SYNE2: variants seen among roughly 807,000 people sequenced by gnomAD.
The protein encoded by SYNE2 is spectrin repeat containing nuclear envelope protein 2.
Under a neutral mutation model 856.3 loss-of-function variants are expected in SYNE2, and 431 were observed. That is an observed-to-expected ratio of 0.50 (90% CI 0.47 to 0.55). The LOEUF is 0.55. Among genes scored for constraint, SYNE2 ranks in the 20% least tolerant of loss-of-function variants. The pLI, the probability that SYNE2 is intolerant of heterozygous loss-of-function variation, is 0.00. For synonymous variants in SYNE2, 2,923 were observed against 2,872.3 expected (o/e 1.02, Z -0.56); for missense variants, 8,129 against 8,023.2 (o/e 1.01, Z -0.50).
chr14:63,787,112 C>A (rs1483882580), intron 1 of SYNE2, among the ~76,000 whole-genome samples: 1 of 152,124 alleles, frequency 6.6e-6, no homozygotes, highest in Non-Finnish European at 1.5e-5. Context: ...TACATACATG[C>A]ATACAATATA....
Position 63,954,951 on chromosome 14 carries a change from A to T in SYNE2, c.787+36A>T, listed in dbSNP as rs764193579. On this transcript the variant is annotated intron_variant, in intron 8 of 115. Coordinates refer to ENST00000555002, the MANE Select transcript of SYNE2 (RefSeq NM_182914.3). ...TTCTTTGTTTTTAAAACAATCTTTA[A>T]GGCTTAGCATGAAGTTGATTTCAAA... The T allele has an allele frequency of 1.8e-5, 27 of 1,534,562 alleles. No individual in the cohort carries two copies. In the South Asian group the frequency reaches 2.8e-4, roughly 16 times the overall value.
chr14:63,870,252 A>G (rs899620667), intron 1 of SYNE2, among the ~76,000 whole-genome samples: 1 of 151,534 alleles, frequency 6.6e-6, no homozygotes, highest in African/African-American at 2.4e-5. Flanking sequence ...TAAAAGCCCT[A>G]CTCATCATTC....
At chr14:63,797,912 G>C (rs896960262) in intron 1 of SYNE2, among the ~76,000 whole-genome samples, 1 of 152,212 alleles carries the variant, frequency 6.6e-6, no homozygotes, top group Non-Finnish European at 1.5e-5. Flanking sequence ...ATTCCACAGA[G>C]GGACAGGGCA....
chr14:63,851,065 G>C (rs952158353), upstream of SYNE2, among the ~76,000 whole-genome samples: 132 of 152,192 alleles, frequency 8.7e-4, 1 homozygote, highest in African/African-American at 3.1e-3. Context: ...AGTGGTTTTA[G>C]GAAAAGACAG....
chr14:64,182,018 T>C (rs1567568321), intron 96 of SYNE2, among the ~76,000 whole-genome samples: 1 of 152,244 alleles, frequency 6.6e-6, no homozygotes, highest in Admixed American at 6.5e-5. Context: ...CTTCCAAAGA[T>C]AGAGTATGCA....
intron 1 of SYNE2, among the ~76,000 whole-genome samples, chr14:63,905,680 G>A (rs1282340986): frequency 6.6e-6 from 1 of 152,276 alleles, no homozygotes; most frequent in East Asian, 1.9e-4. Context: ...TCACATATCA[G>A]TTCTAGTAGC....
At position 64,212,949 on chromosome 14, in the gene SYNE2, CAGG is replaced by C. The variant is rs1258345706; in HGVS notation, c.19004_19006del (p.Glu6335del). ...GCTGGAGGAACTCCACCGCTACTGCCAGGAGGTGTTTGGAAGGGTCTCCCGGTT... is the reference window on the plus strand; with the variant it reads ...GCTGGAGGAACTCCACCGCTACTGCCAGGTGTTTGGAAGGGTCTCCCGGTT... On this transcript the variant is annotated inframe_deletion, in exon 105 of 116. Coordinates refer to ENST00000555002, the MANE Select transcript of SYNE2 (RefSeq NM_182914.3). The C allele has an allele frequency of 6.2e-7, 1 of 1,614,208 alleles. No homozygotes were observed. The highest frequency in any genetic ancestry group is 8.5e-7 in the Non-Finnish European group (1 of 1,180,034).
intron 6 of SYNE2, among the ~76,000 whole-genome samples, chr14:63,944,279 TA>T (rs2095979016): frequency 0.045 from 5 of 110 alleles, no homozygotes; most frequent in Admixed American, 0.17. Context: ...TCTGAATTTT[TA>T]TATATATATA....
chr14:64,221,783 C>T (rs557093230), intron 112 of SYNE2, 79 bp downstream of exon 112: 15 of 1,541,680 alleles, frequency 9.7e-6, no homozygotes, highest in Non-Finnish European at 1.3e-5. Context: ...GGTAGCCTCG[C>T]CTAGTATTTC....
intron 2 of SYNE2, among the ~76,000 whole-genome samples, chr14:63,932,164 T>G (rs1293428666): frequency 1.3e-5 from 2 of 151,958 alleles, no homozygotes; most frequent in Non-Finnish European, 1.5e-5. Context: ...GCACCTCACC[T>G]GAGGTCAGGA....
chr14:64,018,594 A>G (rs2096912938), intron 34 of SYNE2, among the ~76,000 whole-genome samples: 1 of 152,218 alleles, frequency 6.6e-6, no homozygotes, highest in South Asian at 2.1e-4. Context: ...CTTGTGGATC[A>G]TTTGTTTCTG....
At chr14:63,810,279 G>C (rs1181265608) in intron 1 of SYNE2, among the ~76,000 whole-genome samples, 1 of 151,870 alleles carries the variant, frequency 6.6e-6, no homozygotes, top group Non-Finnish European at 1.5e-5. Context: ...TAACTGATTA[G>C]CAGTATCTGA....
At chr14:63,818,934 G>A (rs1015630550) in intron 1 of SYNE2, among the ~76,000 whole-genome samples, 8 of 151,848 alleles carry the variant, frequency 5.3e-5, no homozygotes, top group Admixed American at 1.3e-4. Context: ...TCCTGACTTC[G>A]TGATCCGCCA....
intron 7 of SYNE2, 23 bp from the exon 8 acceptor site, chr14:63,954,696 A>G (rs370682546): frequency 3.4e-5 from 54 of 1,608,992 alleles, no homozygotes; most frequent in Non-Finnish European, 4.2e-5. Flanking sequence ...GGTATTTGTC[A>G]TGTTTTTGTC....
chr14:64,175,205 G>A, intron 95 of SYNE2, 67 bp downstream of exon 95: 1 of 1,575,158 alleles, frequency 6.3e-7, no homozygotes, highest in East Asian at 2.3e-5. Flanking sequence ...CATTTGTGGT[G>A]TGAAAATGGA....
At chr14:64,212,540 C>T (rs924725808) in intron 104 of SYNE2, among the ~76,000 whole-genome samples, 1 of 152,222 alleles carries the variant, frequency 6.6e-6, no homozygotes, top group East Asian at 1.9e-4. Flanking sequence ...TTCTTTCTCT[C>T]ACACCTAATA....
At chr14:63,765,792 G>A (rs1457225875) in intron 1 of SYNE2, among the ~76,000 whole-genome samples, 3 of 144,764 alleles carry the variant, frequency 2.1e-5, no homozygotes, top group South Asian at 2.1e-4. Flanking sequence ...GGATTGCTGC[G>A]AAACATTAAG....
rs773044672 is a variant in SYNE2, at chr14:64,031,136, T to C, written c.7000T>C (p.Ser2334Pro). 6.2e-7 allele frequency: 1 copy of C among 1,614,002 alleles called. No individual in the cohort carries two copies. Among genetic ancestry groups the C allele is most frequent in the Non-Finnish European group, 8.5e-7 (1 of 1,180,006 alleles). The change falls in exon 45 of 116, where the codon TCA becomes CCA. Residue 2334 changes from serine to proline, a missense_variant. Around this residue, in one of 3 missense-constraint regions of SYNE2, gnomAD observed 297 missense variants for 380.9 expected, o/e 0.78. Coordinates refer to ENST00000555002, the MANE Select transcript of SYNE2 (RefSeq NM_182914.3). Reference sequence around the variant, plus strand: ...GAAGATTATTAAAGATGATATAAAATCACTTCAGTGTAAACAAAAAGATTT... The same window carrying C: ...GAAGATTATTAAAGATGATATAAAACCACTTCAGTGTAAACAAAAAGATTT... ...GQKIIKDDIKSLQCKQKDLEN... is the reference protein window; with the variant it reads ...GQKIIKDDIKPLQCKQKDLEN...
At chr14:63,968,140 G>C (rs1266587892) in intron 11 of SYNE2, among the ~76,000 whole-genome samples, 2 of 152,102 alleles carry the variant, frequency 1.3e-5, no homozygotes, top group Non-Finnish European at 2.9e-5. Context: ...TCCAGCCTGG[G>C]TGACAGAATG....
Sources: gnomAD v4.1 joint callset for allele counts (sites outside exome capture counted in the v4.1 genomes callset) on GRCh38, gnomAD v4.1.1 for gene constraint, gnomAD v4.1.1 regional missense constraint, MANE v1.5 for transcripts, NCBI Gene and HGNC (gene_info 2026-07-23, HGNC 2026-07-21) for gene names.